Variants in ME3 observed in about 807,000 individuals in gnomAD.
ME3 encodes malic enzyme 3.
Under a neutral mutation model 68.9 loss-of-function variants are expected in ME3, and 48 were observed. That is an observed-to-expected ratio of 0.70 (90% CI 0.55 to 0.89). ME3 has a LOEUF of 0.89. ME3 is among the 40% of genes least tolerant of loss of function. ME3 has a pLI of 0.00. For missense variants in ME3, 675 were observed against 797.4 expected, an observed-to-expected ratio of 0.85 and a Z score of 1.85; for synonymous variants, 320 against 318.8, an observed-to-expected ratio of 1.00 and a Z score of -0.04.
chr11:86,538,155 G>A lies in ME3; in HGVS notation c.467+18398C>T, dbSNP rs1325596763. Reference sequence around the variant, plus strand: ...GTGTTTGCTTTCTTGTGGTTGTTTGGGGAGAGGGAGCATATTTATGGGGAC... The same window carrying A: ...GTGTTTGCTTTCTTGTGGTTGTTTGAGGAGAGGGAGCATATTTATGGGGAC... On this transcript the variant is annotated intron_variant, in intron 4 of 14. Transcript: ENST00000543262. Among the ~76,000 whole-genome samples the A allele has an allele frequency of 2.5e-4, 38 of 152,156 alleles. 1 individual carries two copies. Among genetic ancestry groups the A allele is most frequent in the Admixed American group, 2.5e-3 (38 of 15,280 alleles).
downstream of ME3, among the ~76,000 whole-genome samples, chr11:86,437,576 T>C (rs1334344399): frequency 7.9e-5 from 12 of 152,306 alleles, no homozygotes; most frequent in East Asian, 2.3e-3. Context: ...TTGACAATAT[T>C]GAGTCTTCAA....
intron 4 of ME3, among the ~76,000 whole-genome samples, chr11:86,532,008 A>T (rs1955282991): frequency 6.6e-6 from 1 of 152,004 alleles, no homozygotes; most frequent in Non-Finnish European, 1.5e-5. Flanking sequence ...AAAACCAGAA[A>T]CTGAAAGTGG....
intron 7 of ME3, among the ~76,000 whole-genome samples, chr11:86,486,232 C>T (rs536681847): frequency 2.0e-5 from 3 of 152,222 alleles, no homozygotes; most frequent in Admixed American, 6.5e-5. Flanking sequence ...TTCCCCCCAT[C>T]CTACAGTCCA....
At chr11:86,505,099 C>T (rs1052787498) in intron 5 of ME3, among the ~76,000 whole-genome samples, 2 of 152,216 alleles carry the variant, frequency 1.3e-5, no homozygotes, top group African/African-American at 2.4e-5. Flanking sequence ...AGAGGTTCTG[C>T]ATCAGTTCCC....
intron 13 of ME3, among the ~76,000 whole-genome samples, chr11:86,443,449 A>C (rs889337759): frequency 6.6e-6 from 1 of 152,220 alleles, no homozygotes; most frequent in African/African-American, 2.4e-5. Flanking sequence ...TGTCCTAAGC[A>C]CATCATCCTG....
At chr11:86,556,553 C>T (rs764571338) in exon 4 of ME3, 6 of 1,613,280 alleles carry the variant, frequency 3.7e-6, no homozygotes, top group Admixed American at 1.7e-5. Flanking sequence ...GGGGGCTCAC[C>T]GGGGCCTGCG....
At chr11:86,613,028 T>TTTC (rs1326793654) in intron 2 of ME3, among the ~76,000 whole-genome samples, 4 of 152,088 alleles carry the variant, frequency 2.6e-5, no homozygotes, top group Non-Finnish European at 5.9e-5. Flanking sequence ...TCTTCTAGGG[T>TTTC]TTTTATGGTT....
downstream of ME3, among the ~76,000 whole-genome samples, chr11:86,437,781 T>C (rs1459055387): frequency 2.0e-5 from 3 of 152,194 alleles, no homozygotes; most frequent in Admixed American, 6.5e-5. Flanking sequence ...ATAGAAATAA[T>C]GTTGACCTTG....
At chr11:86,613,874 G>A (rs1565216105) in intron 2 of ME3, among the ~76,000 whole-genome samples, 3 of 152,212 alleles carry the variant, frequency 2.0e-5, no homozygotes, top group East Asian at 1.9e-4. Flanking sequence ...AATCAATATC[G>A]TGAAAATGGT....
chr11:86,659,272 T>A (rs1478858394), intron 2 of ME3, among the ~76,000 whole-genome samples: 1 of 152,210 alleles, frequency 6.6e-6, no homozygotes, highest in Non-Finnish European at 1.5e-5. Flanking sequence ...AGTTTTTTTA[T>A]GGAGAGACTC....
At chr11:86,484,636 A>C (rs926639591) in intron 7 of ME3, among the ~76,000 whole-genome samples, 1 of 152,192 alleles carries the variant, frequency 6.6e-6, no homozygotes. Flanking sequence ...CACGAATAGC[A>C]ATACTTTTCT....
At chr11:86,506,540 C>T (rs148979145) in intron 5 of ME3, among the ~76,000 whole-genome samples, 20 of 152,298 alleles carry the variant, frequency 1.3e-4, no homozygotes, top group African/African-American at 4.1e-4. Flanking sequence ...GCCCCTGTGT[C>T]AGGTTGGAGG....
chr11:86,641,801 T>C (rs1200745126), intron 2 of ME3, among the ~76,000 whole-genome samples: 2 of 152,184 alleles, frequency 1.3e-5, no homozygotes, highest in Non-Finnish European at 2.9e-5. Flanking sequence ...GTCCAGATGA[T>C]ACCAAAAAAT....
chr11:86,595,306 T>TATAGAGAG lies in ME3; in HGVS notation c.184-35484_184-35483insCTCTCTAT, dbSNP rs371436753. The stretch of plus-strand genomic sequence containing the variant: ...ATATACATATACATATATATATATA[T>TATAGAGAG]AGAGAGAGAGAGAGAGAGAGAGAGA... On this transcript the variant is annotated intron_variant, in intron 2 of 14. Transcript: ENST00000543262. Among the ~76,000 whole-genome samples the TATAGAGAG allele has an allele frequency of 2.9e-4, 23 of 79,822 alleles. 2 individuals carry two copies. The highest frequency in any genetic ancestry group is 4.5e-4 in the South Asian group (1 of 2,246). The allele number at this position is 79,822 out of a possible 152,430, so 52.4% of individuals were successfully genotyped here.
intron 4 of ME3, among the ~76,000 whole-genome samples, chr11:86,542,570 C>G (rs1956113404): frequency 6.6e-6 from 1 of 151,942 alleles, no homozygotes; most frequent in Admixed American, 6.6e-5. Context: ...GGAAGATCAA[C>G]TTAATGAAAT....
intron 2 of ME3, among the ~76,000 whole-genome samples, chr11:86,648,266 GA>G (rs1270985817): frequency 2.6e-5 from 4 of 152,144 alleles, no homozygotes; most frequent in African/African-American, 7.2e-5. Flanking sequence ...GCAGTATTAA[GA>G]GGGGAGTTTA....
chr11:86,575,637 T>TC (rs892708460), intron 2 of ME3, among the ~76,000 whole-genome samples: 2 of 117,762 alleles, frequency 1.7e-5, no homozygotes, highest in Non-Finnish European at 3.6e-5. Context: ...GATGACGTGC[T>TC]CCCCCCCAGG....
chr11:86,534,636 C>T (rs501362), intron 4 of ME3, among the ~76,000 whole-genome samples: 50,947 of 152,014 alleles, frequency 0.34, 8,884 homozygotes, highest in African/African-American at 0.44. Flanking sequence ...GATCATGCCA[C>T]TGCACTCCAG....
chr11:86,522,997 C>A (rs796207231), intron 4 of ME3, among the ~76,000 whole-genome samples: 9 of 151,996 alleles, frequency 5.9e-5, no homozygotes, highest in African/African-American at 2.2e-4. Flanking sequence ...TATATATCAC[C>A]CACAGTCTTT....
Sources: gnomAD v4.1 joint callset for allele counts (sites outside exome capture counted in the v4.1 genomes callset) on GRCh38, gnomAD v4.1.1 for gene constraint, MANE v1.5 for transcripts, NCBI Gene and HGNC (gene_info 2026-07-23, HGNC 2026-07-21) for gene names.